The following DCC variants were observed in gnomAD, a reference collection of about 807,000 sequenced individuals.
DCC encodes netrin receptor DCC.
In DCC, 58 loss-of-function variants were observed where a neutral mutation model predicts 172.5. That is an observed-to-expected ratio of 0.34 (90% confidence interval 0.27 to 0.42). The LOEUF (loss-of-function observed/expected upper bound fraction) is 0.42. DCC is among the 10% of genes least tolerant of loss of function. The probability of loss-of-function intolerance (pLI) is 1.00; values close to 1 mark genes in which losing one functional copy is unlikely to be tolerated. For synonymous variants in DCC, 709 were observed against 644.5 expected (o/e 1.10, Z -1.52); for missense variants, 1,740 against 1,791.0 (o/e 0.97, Z 0.51).
chr18:52,682,183 C>T (rs982251393), intron 1 of DCC, among the ~76,000 whole-genome samples: 1 of 151,990 alleles, frequency 6.6e-6, no homozygotes, highest in South Asian at 2.1e-4. Context: ...AAATATGAAC[C>T]GGTCAATGTA....
intron 14 of DCC, among the ~76,000 whole-genome samples, chr18:53,326,788 G>A (rs982772181): frequency 7.3e-6 from 1 of 137,634 alleles, no homozygotes; most frequent in Admixed American, 7.1e-5. Flanking sequence ...ATATAGAATT[G>A]CTTTGATCTC....
chr18:52,885,165 A>G (rs1490685854), intron 2 of DCC, among the ~76,000 whole-genome samples: 1 of 151,958 alleles, frequency 6.6e-6, no homozygotes, highest in Non-Finnish European at 1.5e-5. Flanking sequence ...CCTGGCTACC[A>G]CCTATGTTCA....
chr18:53,170,127 T>C (rs2054990000), intron 8 of DCC, among the ~76,000 whole-genome samples: 1 of 152,208 alleles, frequency 6.6e-6, no homozygotes, highest in Non-Finnish European at 1.5e-5. Context: ...CTCAATATGC[T>C]TTTGTATAAT....
intron 8 of DCC, among the ~76,000 whole-genome samples, chr18:53,158,855 T>C (rs2054789236): frequency 6.6e-6 from 1 of 151,702 alleles, no homozygotes; most frequent in Admixed American, 6.6e-5. Flanking sequence ...TAGCTGGGCA[T>C]GGTGGCGCGC....
intron 1 of DCC, among the ~76,000 whole-genome samples, chr18:52,490,930 A>C (rs559246833): frequency 1.3e-5 from 2 of 152,236 alleles, no homozygotes; most frequent in Admixed American, 6.6e-5. Context: ...AGCTGTATGC[A>C]ACAACAAAAA....
intron 1 of DCC, among the ~76,000 whole-genome samples, chr18:52,618,670 C>T (rs1418411078): frequency 6.6e-6 from 1 of 152,180 alleles, no homozygotes; most frequent in Admixed American, 6.5e-5. Context: ...AGGTTTCATA[C>T]AGGAATTTAA....
chr18:52,450,461 C>G (rs544351880), intron 1 of DCC, among the ~76,000 whole-genome samples: 4 of 152,308 alleles, frequency 2.6e-5, no homozygotes, highest in Admixed American at 2.0e-4. Flanking sequence ...GCTATTAACT[C>G]TATGCAATTA....
intron 1 of DCC, among the ~76,000 whole-genome samples, chr18:52,568,623 C>T (rs1432990213): frequency 6.6e-6 from 1 of 151,876 alleles, no homozygotes; most frequent in African/African-American, 2.4e-5. Flanking sequence ...ATAACTTGGA[C>T]AAATTAAAGA....
At chr18:52,881,103 A>T (rs1181699334) in intron 2 of DCC, among the ~76,000 whole-genome samples, 1 of 152,054 alleles carries the variant, frequency 6.6e-6, no homozygotes, top group Non-Finnish European at 1.5e-5. Flanking sequence ...CATTTTTCTG[A>T]TGATCGATGA....
chr18:53,073,527 AAATAAT>A (rs1363865619), intron 7 of DCC, among the ~76,000 whole-genome samples: 2 of 152,182 alleles, frequency 1.3e-5, no homozygotes, highest in Non-Finnish European at 2.9e-5. Context: ...CTCCGTCTCA[AAATAAT>A]AATGATAATA....
chr18:53,506,716 G>A (rs1423097515), intron 27 of DCC, among the ~76,000 whole-genome samples: 2 of 151,954 alleles, frequency 1.3e-5, no homozygotes, highest in Non-Finnish European at 2.9e-5. Context: ...AAATTAGCCG[G>A]GCATGGTGTC....
intron 12 of DCC, among the ~76,000 whole-genome samples, chr18:53,268,838 C>T (rs1470207170): frequency 6.6e-6 from 1 of 152,104 alleles, no homozygotes; most frequent in Non-Finnish European, 1.5e-5. Flanking sequence ...CTGGGCTTGG[C>T]CTGCAGTGAG....
chr18:52,369,264 T>TA lies in DCC; in HGVS notation c.91+28386_91+28387insA, dbSNP rs1009403004. 8.5e-5 allele frequency among the ~76,000 whole-genome samples: 13 copies of TA among 152,248 alleles called. No individual in the cohort carries two copies. The South Asian group carries it at 1.7e-3, about 19-fold the overall frequency. ...GGTTTTTTTTCTTTGTGGGTTTTTT[T>TA]TTCTTTGCAAATGGGCTATTCCTCC... is the stretch of plus-strand genomic sequence containing the variant. On this transcript the variant is annotated intron_variant, in intron 1 of 28. Coordinates refer to ENST00000442544, the MANE Select transcript of DCC (RefSeq NM_005215.4).
intron 2 of DCC, among the ~76,000 whole-genome samples, chr18:52,903,915 GA>G (rs1432243444): frequency 6.6e-6 from 1 of 152,208 alleles, no homozygotes; most frequent in Non-Finnish European, 1.5e-5. Context: ...GTATAATGCA[GA>G]CAGTCTGGAA....
chr18:52,645,754 A>C (rs905233143), intron 1 of DCC, among the ~76,000 whole-genome samples: 5 of 152,226 alleles, frequency 3.3e-5, no homozygotes, highest in African/African-American at 1.2e-4. Context: ...GAGTTTGGTG[A>C]GTTCTAGACA....
intron 1 of DCC, among the ~76,000 whole-genome samples, chr18:52,472,422 G>A (rs145704472): frequency 2.6e-4 from 40 of 152,264 alleles, no homozygotes; most frequent in South Asian, 1.0e-3. Flanking sequence ...TCTGATGGAG[G>A]AATATGCAGT....
chr18:52,958,531 A>G (rs958401743), intron 5 of DCC, among the ~76,000 whole-genome samples: 3 of 152,158 alleles, frequency 2.0e-5, no homozygotes, highest in African/African-American at 7.2e-5. Context: ...ATTAGGATAC[A>G]AGAGACAGGA....
At chr18:52,646,984 G>A (rs1015181609) in intron 1 of DCC, among the ~76,000 whole-genome samples, 3 of 152,188 alleles carry the variant, frequency 2.0e-5, no homozygotes, top group African/African-American at 7.2e-5. Context: ...GTGATGGAAA[G>A]GGGCTTATAA....
chr18:52,490,236 G>C (rs1414017038), intron 1 of DCC, among the ~76,000 whole-genome samples: 1 of 152,108 alleles, frequency 6.6e-6, no homozygotes. Flanking sequence ...GGTAGGAAAA[G>C]AATGTCATCT....
Sources: gnomAD v4.1 joint callset for allele counts (sites outside exome capture counted in the v4.1 genomes callset) on GRCh38, gnomAD v4.1.1 for gene constraint, MANE v1.5 for transcripts, NCBI Gene and HGNC (gene_info 2026-07-23, HGNC 2026-07-21) for gene names.